HSF5: variants seen among roughly 807,000 people sequenced by gnomAD.
HSF5 encodes heat shock transcription factor 5.
Under a neutral mutation model 50.8 loss-of-function variants are expected in HSF5, and 5 were observed. The ratio of observed to expected loss-of-function variants is 0.10; its 90% CI spans 0.05 to 0.21. HSF5 has a LOEUF of 0.21. HSF5 is among the 10% of genes least tolerant of loss of function. The probability of loss-of-function intolerance (pLI) is 1.00; values close to 1 mark genes in which losing one functional copy is unlikely to be tolerated. For missense variants in HSF5, 564 were observed against 762.6 expected (o/e 0.74, Z 3.07); for synonymous variants, 307 against 307.4 (o/e 1.00, Z 0.02).
At chr17:58,429,188 G>A (rs185478036) in intron 5 of HSF5, among the ~76,000 whole-genome samples, 71 of 152,304 alleles carry the variant, frequency 4.7e-4, no homozygotes, top group African/African-American at 1.4e-3. Context: ...AAAACATTCA[G>A]AATAAGTAAA....
intron 5 of HSF5, among the ~76,000 whole-genome samples, chr17:58,446,071 A>T (rs1231387239): frequency 6.8e-6 from 1 of 146,236 alleles, no homozygotes; most frequent in Non-Finnish European, 1.5e-5. Flanking sequence ...CAGGAGGCAG[A>T]GGTTGCAGTG....
At chr17:58,458,686 G>A in intron 5 of HSF5, 82 bp downstream of exon 5, 1 of 1,135,722 alleles carries the variant, frequency 8.8e-7, no homozygotes, top group Non-Finnish European at 1.2e-6. Context: ...ATAATAAATG[G>A]AGACCCAGAA....
At chr17:58,486,158 G>T (rs1975175686) in intron 1 of HSF5, among the ~76,000 whole-genome samples, 1 of 152,166 alleles carries the variant, frequency 6.6e-6, no homozygotes, top group Non-Finnish European at 1.5e-5. Context: ...GAGGTCAGGA[G>T]TTCGAGACCA....
Position 58,456,139 on chromosome 17 carries a change from GTA to G in HSF5, c.1720+2627_1720+2628del, listed in dbSNP as rs1209600462. ...GATATATATATATATATGTGTGTGT[GTA>G]TATATATATATGTGTGTGTGTATAT... On this transcript the variant is annotated intron_variant, in intron 5 of 5. Coordinates refer to ENST00000323777, the MANE Select transcript of HSF5 (RefSeq NM_001080439.3). Among the ~76,000 whole-genome samples the G allele has an allele frequency of 7.0e-3, 983 of 141,072 alleles. 7 individuals are homozygous for G. Among genetic ancestry groups the G allele is most frequent in the African/African-American group, 0.022 (865 of 38,578 alleles). 92.5% of individuals were successfully genotyped at this position (141,072 alleles called of 152,430 possible). A position where few individuals can be genotyped will look rare whatever the true frequency, so the allele number is the denominator to read the frequency against.
At chr17:58,431,664 G>A (rs546985480) in intron 5 of HSF5, among the ~76,000 whole-genome samples, 1 of 152,332 alleles carries the variant, frequency 6.6e-6, no homozygotes, top group Admixed American at 6.5e-5. Context: ...ATGGAATGGT[G>A]TCTTTTGTAA....
intron 5 of HSF5, among the ~76,000 whole-genome samples, chr17:58,443,230 G>A (rs1366802647): frequency 6.6e-6 from 1 of 151,994 alleles, no homozygotes; most frequent in Non-Finnish European, 1.5e-5. Context: ...GGCTGGTCTC[G>A]AACTCCTGAC....
chr17:58,488,216 C>A lies in HSF5; in HGVS notation c.59G>T (p.Arg20Leu), dbSNP rs780076673. ...NPNNFPAKLW[R>L]LVNSPRYRSI... ...GCGGTAGCGCGGGCTGTTCACCAGGCGCCACAGCTTGGCGGGGAAGTTGTT... is the reference window on the plus strand; with the variant it reads ...GCGGTAGCGCGGGCTGTTCACCAGGAGCCACAGCTTGGCGGGGAAGTTGTT... The change falls in exon 1 of 6, where the codon CGC becomes CTC. Residue 20 changes from arginine to leucine, a missense_variant. By Grantham distance (102) the Arg-to-Leu change is moderately radical. Around this residue, in one of 5 missense-constraint regions of HSF5, gnomAD observed 72 missense variants for 110.9 expected, o/e 0.65. Transcript: ENST00000323777. The surrounding 1 kb of genome is among the most constrained non-coding windows in gnomAD (Gnocchi z 4.1). The A allele has an allele frequency of 1.1e-5, 17 of 1,517,766 alleles. No homozygotes were observed. The South Asian group carries it at 2.0e-4, about 18-fold the overall frequency. 94.0% of individuals were successfully genotyped at this position (1,517,766 alleles called of 1,614,324 possible).
intron 2 of HSF5, among the ~76,000 whole-genome samples, chr17:58,479,551 C>T (rs1422321112): frequency 6.6e-6 from 1 of 152,118 alleles, no homozygotes; most frequent in Admixed American, 6.5e-5. Flanking sequence ...GATGCACCCG[C>T]CTCAGCCTCC....
At chr17:58,468,409 T>C (rs1974900484) in intron 2 of HSF5, among the ~76,000 whole-genome samples, 1 of 152,070 alleles carries the variant, frequency 6.6e-6, no homozygotes, top group South Asian at 2.1e-4. Flanking sequence ...AAAAAAAATT[T>C]ACATATATAT....
At chr17:58,423,781 G>A (rs950050417) in intron 5 of HSF5, among the ~76,000 whole-genome samples, 3 of 152,038 alleles carry the variant, frequency 2.0e-5, no homozygotes, top group African/African-American at 7.2e-5. Flanking sequence ...GCCCGGCCCA[G>A]GGAGCATTTT....
chr17:58,427,735 C>A (rs916786627), intron 5 of HSF5, among the ~76,000 whole-genome samples: 3 of 152,170 alleles, frequency 2.0e-5, no homozygotes, highest in Non-Finnish European at 2.9e-5. Flanking sequence ...GAATGCTATT[C>A]CATTTTGAGC....
intron 3 of HSF5, 103 bp from the exon 4 acceptor site, chr17:58,463,406 T>C (rs2143783197): frequency 1.1e-6 from 1 of 902,898 alleles, no homozygotes; most frequent in East Asian, 2.5e-5. Flanking sequence ...ATAAATAGAT[T>C]AAACTTAAAG....
chr17:58,422,694 CT>C (rs34142135), intron 5 of HSF5, among the ~76,000 whole-genome samples: 47,112 of 124,914 alleles, frequency 0.38, 7,070 homozygotes, highest in South Asian at 0.43. Flanking sequence ...CCTCAGTTGC[CT>C]TTTTTTTTTT....
At chr17:58,460,045 T>C (rs1181997047) in intron 4 of HSF5, among the ~76,000 whole-genome samples, 1 of 152,134 alleles carries the variant, frequency 6.6e-6, no homozygotes, top group Non-Finnish European at 1.5e-5. Flanking sequence ...TCAGACAGGG[T>C]CTCATTCTGT....
At chr17:58,429,762 C>G (rs2143728832) in intron 5 of HSF5, among the ~76,000 whole-genome samples, 1 of 151,102 alleles carries the variant, frequency 6.6e-6, no homozygotes, top group Non-Finnish European at 1.5e-5. Context: ...AGGAGAATCA[C>G]TTGAGCCCAG....
At chr17:58,447,408 C>T (rs2143756349) in intron 5 of HSF5, among the ~76,000 whole-genome samples, 1 of 152,310 alleles carries the variant, frequency 6.6e-6, no homozygotes, top group African/African-American at 2.4e-5. Flanking sequence ...TTAGGCAAGA[C>T]CTGGTACTGT....
chr17:58,446,983 GGT>G (rs1181374979), intron 5 of HSF5, among the ~76,000 whole-genome samples: 1 of 152,152 alleles, frequency 6.6e-6, no homozygotes, highest in African/African-American at 2.4e-5. Flanking sequence ...AAATTAGCCA[GGT>G]GTGGTGGCAC....
chr17:58,483,307 T>C (rs1975125805), intron 1 of HSF5, among the ~76,000 whole-genome samples: 1 of 152,206 alleles, frequency 6.6e-6, no homozygotes, highest in Non-Finnish European at 1.5e-5. Context: ...TTAGATGCAG[T>C]TAAAATTAGA....
Position 58,456,803 on chromosome 17 carries a change from T to G in HSF5, c.1720+1965A>C, listed in dbSNP as rs28657495. On this transcript the variant is annotated intron_variant, in intron 5 of 5. Transcript: ENST00000323777. ...ATATGTGCTCTACAGGCAGACAACTTAGGGTAGGATATTAGCAATATTAGT... is the reference window on the plus strand; with the variant it reads ...ATATGTGCTCTACAGGCAGACAACTGAGGGTAGGATATTAGCAATATTAGT... Among the ~76,000 whole-genome samples the G allele has an allele frequency of 9.1e-3, 1,383 of 152,240 alleles. 24 individuals carry two copies. The highest frequency in any genetic ancestry group is 0.03 in the African/African-American group (1,266 of 41,566).
Sources: allele counts gnomAD v4.1 joint callset (sites outside exome capture counted in the v4.1 genomes callset), GRCh38; gene constraint gnomAD v4.1.1; regional missense constraint gnomAD v4.1.1; non-coding constraint Gnocchi (gnomAD v3.1); transcripts MANE v1.5; gene names NCBI Gene and HGNC (gene_info 2026-07-23, HGNC 2026-07-21).